HIVEP3: variants seen among roughly 807,000 people sequenced by gnomAD.
HIVEP3 encodes transcription factor HIVEP3.
A neutral mutation model predicts 152.8 loss-of-function variants in HIVEP3; 49 were observed. That is an observed-to-expected ratio of 0.32 (90% confidence interval 0.26 to 0.41). The LOEUF (loss-of-function observed/expected upper bound fraction) is 0.41, where lower values mean the gene tolerates loss of function less well. HIVEP3 is among the 10% of genes least tolerant of loss of function. The pLI is 1.00. For synonymous variants in HIVEP3, 1,269 were observed against 1,289.0 expected (o/e 0.98, Z 0.33); for missense variants, 2,790 against 3,103.3 (o/e 0.90, Z 2.40).
chr1:41,586,321 G>A (rs1644506282), intron 3 of HIVEP3, among the ~76,000 whole-genome samples: 1 of 152,148 alleles, frequency 6.6e-6, no homozygotes, highest in Non-Finnish European at 1.5e-5. Context: ...CCCAAGGCTG[G>A]AGTCACCATG....
At chr1:41,791,208 A>G (rs1649674050) in intron 1 of HIVEP3, among the ~76,000 whole-genome samples, 1 of 151,766 alleles carries the variant, frequency 6.6e-6, no homozygotes, top group African/African-American at 2.4e-5. Context: ...CTGTTCCTTC[A>G]ATAGCTTGGG....
chr1:41,545,023 C>T (rs796382278), intron 5 of HIVEP3, among the ~76,000 whole-genome samples: 23 of 100,938 alleles, frequency 2.3e-4, no homozygotes, highest in Non-Finnish European at 3.2e-4. Flanking sequence ...ACCACTACCA[C>T]CACCACCACC....
intron 1 of HIVEP3, among the ~76,000 whole-genome samples, chr1:42,013,504 CCCTA>C (rs1219336923): frequency 2.0e-5 from 3 of 152,176 alleles, no homozygotes; most frequent in African/African-American, 7.2e-5. Context: ...TCAACAGGAG[CCCTA>C]CCTGTTTATT....
At chr1:41,943,381 G>A (rs542263423) in intron 1 of HIVEP3, among the ~76,000 whole-genome samples, 5 of 152,232 alleles carry the variant, frequency 3.3e-5, no homozygotes, top group African/African-American at 9.6e-5. Flanking sequence ...TAAATGTTTT[G>A]CATAATTTTA....
At chr1:41,700,885 C>T (rs1190868602) in intron 2 of HIVEP3, 31 bp downstream of exon 2, 2 of 945,430 alleles carry the variant, frequency 2.1e-6, no homozygotes, top group African/African-American at 3.6e-5. Flanking sequence ...TGAAACTGCC[C>T]TGTGTCCTGT....
At chr1:41,951,356 A>G (rs1019940920) in intron 1 of HIVEP3, among the ~76,000 whole-genome samples, 5 of 152,238 alleles carry the variant, frequency 3.3e-5, no homozygotes, top group Non-Finnish European at 7.4e-5. Flanking sequence ...AAAACGAGAC[A>G]AAATTAGAGT....
At chr1:41,851,036 T>G (rs1471872424) in intron 1 of HIVEP3, among the ~76,000 whole-genome samples, 1 of 152,130 alleles carries the variant, frequency 6.6e-6, no homozygotes, top group Non-Finnish European at 1.5e-5. Flanking sequence ...CCAGTTACAC[T>G]GCATCTCATC....
At chr1:41,603,159 C>A (rs559122242) in intron 3 of HIVEP3, among the ~76,000 whole-genome samples, 6 of 152,128 alleles carry the variant, frequency 3.9e-5, no homozygotes, top group Admixed American at 1.3e-4. Flanking sequence ...CTCCACCTCC[C>A]GGGTTCAAGC....
intron 1 of HIVEP3, among the ~76,000 whole-genome samples, chr1:41,732,201 G>A (rs112049511): frequency 1.1e-4 from 17 of 152,278 alleles, no homozygotes; most frequent in Non-Finnish European, 2.1e-4. Flanking sequence ...AGCTTGGGCC[G>A]GACGGGGAGC....
chr1:41,680,669 G>A (rs544336151), intron 2 of HIVEP3, among the ~76,000 whole-genome samples: 139 of 152,308 alleles, frequency 9.1e-4, no homozygotes, highest in African/African-American at 3.2e-3. Context: ...GCAGAATGTG[G>A]AGTTCCTAAT....
At chr1:42,003,848 C>T (rs1645442996) in intron 1 of HIVEP3, among the ~76,000 whole-genome samples, 2 of 151,450 alleles carry the variant, frequency 1.3e-5, no homozygotes, top group African/African-American at 4.9e-5. Flanking sequence ...AAACCTCGGA[C>T]ATGCCTCTGG....
intron 1 of HIVEP3, among the ~76,000 whole-genome samples, chr1:41,818,360 G>A (rs1385550248): frequency 2.0e-5 from 3 of 152,214 alleles, no homozygotes; most frequent in Non-Finnish European, 4.4e-5. Context: ...GCTGGTGGGA[G>A]TTCAAATGGA....
chr1:41,703,873 A>G (rs1646397422), intron 1 of HIVEP3, among the ~76,000 whole-genome samples: 1 of 152,220 alleles, frequency 6.6e-6, no homozygotes, highest in Admixed American at 6.5e-5. Flanking sequence ...TCACAGATCT[A>G]GGCGGGAGGA....
chr1:41,938,085 C>T (rs540220793), intron 1 of HIVEP3, among the ~76,000 whole-genome samples: 46 of 152,310 alleles, frequency 3.0e-4, no homozygotes, highest in African/African-American at 1.1e-3. Flanking sequence ...GCATGGAACA[C>T]GCTTTCCTCT....
At chr1:41,919,267 C>A (rs189660125), upstream of HIVEP3, among the ~76,000 whole-genome samples, 894 of 152,300 alleles carry the variant, frequency 5.9e-3, 9 homozygotes, top group Non-Finnish European at 9.8e-3. Flanking sequence ...CCCATGTTCA[C>A]GGGTCAGACG....
chr1:41,988,530 G>A (rs1388326845), intron 1 of HIVEP3, among the ~76,000 whole-genome samples: 1 of 152,228 alleles, frequency 6.6e-6, no homozygotes, highest in Non-Finnish European at 1.5e-5. Context: ...CTTCACAACA[G>A]TTAGGATAGC....
upstream of HIVEP3, among the ~76,000 whole-genome samples, chr1:41,919,222 G>A (rs780021283): frequency 4.2e-4 from 64 of 152,108 alleles, no homozygotes; most frequent in Non-Finnish European, 7.1e-4. Context: ...TAATTGGCAC[G>A]TTATGTAAAC....
chr1:41,696,919 C>T (rs1240209394), intron 2 of HIVEP3, among the ~76,000 whole-genome samples: 1 of 152,132 alleles, frequency 6.6e-6, no homozygotes, highest in African/African-American at 2.4e-5. Context: ...CAATAAGATG[C>T]TATGTTATAT....
Position 41,694,802 on chromosome 1 carries a change from C to T in HIVEP3, c.-721+6114G>A, listed in dbSNP as rs192447536. Among the ~76,000 whole-genome samples the T allele has an allele frequency of 1.1e-4, 17 of 152,276 alleles. No individual in the cohort carries two copies. In the East Asian group the frequency reaches 2.9e-3, roughly 26 times the overall value. ...AGACTTTTACCAATAAGATACAACA[C>T]CCTGAAAGTTGGGATCACTAGTCTC... is the stretch of plus-strand genomic sequence containing the variant. On this transcript the variant is annotated intron_variant, in intron 2 of 8. Transcript: ENST00000372583.
Sources: gnomAD v4.1 joint callset for allele counts (sites outside exome capture counted in the v4.1 genomes callset) on GRCh38, gnomAD v4.1.1 for gene constraint, MANE v1.5 for transcripts, NCBI Gene and HGNC (gene_info 2026-07-23, HGNC 2026-07-21) for gene names.